Variants in GNAQ observed in about 807,000 individuals in gnomAD.
GNAQ encodes G protein subunit alpha q, also known as guanine nucleotide-binding protein G(q) subunit alpha.
In GNAQ, 8 loss-of-function variants were observed where a neutral mutation model predicts 43.9. The observed-to-expected ratio is 0.18, with a 90% CI of 0.11 to 0.33. GNAQ has a LOEUF of 0.33. GNAQ is among the 10% of genes least tolerant of loss of function. The pLI is 1.00. For missense variants in GNAQ, 158 were observed against 450.8 expected (o/e 0.35, Z 5.88); for synonymous variants, 155 against 170.7 (o/e 0.91, Z 0.71).
intron 1 of GNAQ, among the ~76,000 whole-genome samples, chr9:78,011,937 T>C (rs1418546716): frequency 6.6e-6 from 1 of 152,182 alleles, no homozygotes; most frequent in Non-Finnish European, 1.5e-5. Context: ...AAGAATATTA[T>C]AGAGATGGAG....
chr9:77,769,799 C>A (rs1246507338), intron 5 of GNAQ, among the ~76,000 whole-genome samples: 1 of 151,362 alleles, frequency 6.6e-6, no homozygotes, highest in Non-Finnish European at 1.5e-5. Context: ...CAAGTAGCTG[C>A]GACTACACGC....
intron 2 of GNAQ, among the ~76,000 whole-genome samples, chr9:77,834,426 A>G (rs953702890): frequency 2.0e-5 from 3 of 152,174 alleles, no homozygotes; most frequent in African/African-American, 7.2e-5. Flanking sequence ...GCCAACCTGA[A>G]TTGAGATTCT....
intron 1 of GNAQ, among the ~76,000 whole-genome samples, chr9:77,984,210 C>G (rs1823405309): frequency 6.6e-6 from 1 of 150,554 alleles, no homozygotes; most frequent in Admixed American, 6.6e-5. Context: ...CTCACTGTCA[C>G]CCAGGCTGGA....
chr9:77,954,165 C>G (rs1823014725), intron 1 of GNAQ, among the ~76,000 whole-genome samples: 8 of 152,154 alleles, frequency 5.3e-5, no homozygotes, highest in Admixed American at 5.2e-4. Context: ...GTAAGTAATG[C>G]CATCACGTAC....
At chr9:77,813,977 G>A (rs953054830) in intron 3 of GNAQ, among the ~76,000 whole-genome samples, 3 of 152,192 alleles carry the variant, frequency 2.0e-5, no homozygotes, top group Admixed American at 1.3e-4. Flanking sequence ...GGAGTTAAGA[G>A]AGAGCCAGAG....
At chr9:77,944,369 G>C (rs537015562) in intron 1 of GNAQ, among the ~76,000 whole-genome samples, 2 of 150,886 alleles carry the variant, frequency 1.3e-5, no homozygotes, top group East Asian at 3.9e-4. Context: ...ATGAAGCTGT[G>C]TATACAAGAT....
At chr9:77,999,359 A>C (rs1034672830) in intron 1 of GNAQ, among the ~76,000 whole-genome samples, 3 of 152,204 alleles carry the variant, frequency 2.0e-5, no homozygotes, top group Non-Finnish European at 4.4e-5. Context: ...TTATTATTTA[A>C]ATACTTCCCC....
At chr9:78,008,897 G>A (rs145822937) in intron 1 of GNAQ, among the ~76,000 whole-genome samples, 10 of 152,276 alleles carry the variant, frequency 6.6e-5, no homozygotes, top group South Asian at 6.2e-4. Context: ...GATTACAGGC[G>A]TGAGCCACTG....
In GNAQ at chr9:77,877,212, C is replaced by A. The variant is rs188391832; in HGVS notation, c.321+44949G>T. 3.3e-5 allele frequency among the ~76,000 whole-genome samples: 5 copies of A among 152,252 alleles called. No individual in the cohort carries two copies. The East Asian group carries it at 9.6e-4, about 29-fold the overall frequency. On this transcript the variant is annotated intron_variant, in intron 2 of 6. Coordinates refer to ENST00000286548, the MANE Select transcript of GNAQ (RefSeq NM_002072.5). Reference sequence around the variant, plus strand: ...GCTTGTCTTGTAAACCAACTCTCCCCGAAGAATATTCAAATATTCTGTACT... The same window carrying A: ...GCTTGTCTTGTAAACCAACTCTCCCAGAAGAATATTCAAATATTCTGTACT...
At chr9:77,997,470 C>T (rs1823584122) in intron 1 of GNAQ, among the ~76,000 whole-genome samples, 1 of 152,194 alleles carries the variant, frequency 6.6e-6, no homozygotes, top group African/African-American at 2.4e-5. Flanking sequence ...CTACCTGATG[C>T]TGCTGTGCTT....
chr9:77,739,439 CATT>C (rs1432782830), intron 5 of GNAQ, among the ~76,000 whole-genome samples: 26 of 152,272 alleles, frequency 1.7e-4, no homozygotes, highest in African/African-American at 5.5e-4. Flanking sequence ...ATACTGAAGT[CATT>C]AACCATGATT....
chr9:78,023,695 A>G (rs1488748001), intron 1 of GNAQ, among the ~76,000 whole-genome samples: 5 of 152,180 alleles, frequency 3.3e-5, no homozygotes, highest in African/African-American at 1.2e-4. Flanking sequence ...GAAACAAAAA[A>G]ATTCTATTTC....
chr9:77,803,606 T>C (rs1723599256), intron 3 of GNAQ, among the ~76,000 whole-genome samples: 1 of 152,212 alleles, frequency 6.6e-6, no homozygotes, highest in African/African-American at 2.4e-5. Flanking sequence ...GGCCATGACA[T>C]TATGGTAGAT....
intron 2 of GNAQ, among the ~76,000 whole-genome samples, chr9:77,910,325 C>A (rs1828779082): frequency 6.6e-6 from 1 of 152,070 alleles, no homozygotes; most frequent in Admixed American, 6.6e-5. Context: ...ATATATTCTG[C>A]CTAACTGAAA....
At chr9:77,778,667 C>T (rs1450411716) in intron 5 of GNAQ, among the ~76,000 whole-genome samples, 2 of 151,654 alleles carry the variant, frequency 1.3e-5, no homozygotes, top group Non-Finnish European at 3.0e-5. Context: ...AAACCACAAC[C>T]ACATACATTG....
chr9:78,020,272 C>T (rs1302639383), intron 1 of GNAQ, among the ~76,000 whole-genome samples: 1 of 152,048 alleles, frequency 6.6e-6, no homozygotes, highest in African/African-American at 2.4e-5. Flanking sequence ...ACAGGATTAG[C>T]AGAGTTCTCA....
At chr9:77,790,735 G>C (rs1300348402) in intron 5 of GNAQ, among the ~76,000 whole-genome samples, 1 of 152,184 alleles carries the variant, frequency 6.6e-6, no homozygotes, top group African/African-American at 2.4e-5. Context: ...GACACTATGA[G>C]GGAAGGGAAA....
chr9:77,881,315 A>G (rs1239623893), intron 2 of GNAQ, among the ~76,000 whole-genome samples: 4 of 152,240 alleles, frequency 2.6e-5, no homozygotes, highest in Non-Finnish European at 4.4e-5. Flanking sequence ...CACCCCGAAC[A>G]CTGCCTGGCA....
intron 1 of GNAQ, among the ~76,000 whole-genome samples, chr9:77,936,976 C>T (rs1310645882): frequency 6.6e-6 from 1 of 152,144 alleles, no homozygotes; most frequent in Non-Finnish European, 1.5e-5. Flanking sequence ...TCTTTCTTTT[C>T]CATATATTCT....
Sources: gnomAD v4.1 joint callset for allele counts (sites outside exome capture counted in the v4.1 genomes callset) on GRCh38, gnomAD v4.1.1 for gene constraint, MANE v1.5 for transcripts, NCBI Gene and HGNC (gene_info 2026-07-23, HGNC 2026-07-21) for gene names.